Variants in OXR1 observed in about 807,000 individuals in gnomAD.
OXR1 encodes the protein oxidation resistance protein 1.
Under a neutral mutation model 104.6 loss-of-function variants are expected in OXR1, and 41 were observed. The ratio of observed to expected loss-of-function variants is 0.39; its 90% CI spans 0.31 to 0.51. The LOEUF is 0.51. Among genes scored for constraint, OXR1 ranks in the 20% least tolerant of loss-of-function variants. The pLI is 0.77. For missense variants in OXR1, 955 were observed against 1,031.9 expected, an observed-to-expected ratio of 0.93 and a Z score of 1.02; for synonymous variants, 348 against 348.4, an observed-to-expected ratio of 1.00 and a Z score of 0.01.
At chr8:106,382,991 C>CTT (rs374929934) in intron 2 of OXR1, among the ~76,000 whole-genome samples, 7 of 144,030 alleles carry the variant, frequency 4.9e-5, no homozygotes, top group African/African-American at 1.8e-4. Context: ...AGTACTTTTT[C>CTT]TTTTTTTTTT....
At position 106,655,331 on chromosome 8, in the gene OXR1, A is replaced by T. The variant is rs139909143; in HGVS notation, c.221-23879A>T. Reference sequence around the variant, plus strand: ...AGTTTTTTTTTTTTAATGAGGCAAAAGGTAGCGTGAAAAAGCAGGCATGGC... The same window carrying T: ...AGTTTTTTTTTTTTAATGAGGCAAATGGTAGCGTGAAAAAGCAGGCATGGC... On this transcript the variant is annotated intron_variant, in intron 3 of 16. Transcript: ENST00000517566. Among the ~76,000 whole-genome samples, 11 of 152,054 alleles carry T rather than the reference A, an allele frequency of 7.2e-5. No homozygotes were observed. In the East Asian group the frequency reaches 2.1e-3, roughly 29 times the overall value.
chr8:106,545,671 T>A (rs1487960732), intron 3 of OXR1, among the ~76,000 whole-genome samples: 2 of 152,174 alleles, frequency 1.3e-5, no homozygotes, highest in Non-Finnish European at 2.9e-5. Context: ...TTGATTTACA[T>A]AACAAAGTTA....
At chr8:106,423,246 C>T (rs918205547) in intron 2 of OXR1, among the ~76,000 whole-genome samples, 2 of 152,110 alleles carry the variant, frequency 1.3e-5, no homozygotes, top group Non-Finnish European at 2.9e-5. Flanking sequence ...TCACTGTAAG[C>T]TCAGTCTTTC....
intron 13 of OXR1, among the ~76,000 whole-genome samples, chr8:106,740,091 T>C (rs1179561418): frequency 6.6e-6 from 1 of 152,148 alleles, no homozygotes; most frequent in African/African-American, 2.4e-5. Context: ...TAATCTATGT[T>C]TCTTATCTCT....
At chr8:106,279,515 G>T (rs1812192244) in intron 1 of OXR1, among the ~76,000 whole-genome samples, 1 of 152,132 alleles carries the variant, frequency 6.6e-6, no homozygotes. Flanking sequence ...AAGGTTTTTA[G>T]TAGCTTAATT....
chr8:106,485,220 T>C (rs1245408922), intron 2 of OXR1, among the ~76,000 whole-genome samples: 1 of 152,082 alleles, frequency 6.6e-6, no homozygotes, highest in African/African-American at 2.4e-5. Context: ...GTGAAAATAC[T>C]CTGTATGATA....
intron 1 of OXR1, among the ~76,000 whole-genome samples, chr8:106,303,546 G>A (rs1329781764): frequency 4.6e-5 from 7 of 151,850 alleles, no homozygotes; most frequent in Non-Finnish European, 1.0e-4. Flanking sequence ...CCGGAACTTG[G>A]CAATTTGTAT....
chr8:106,559,648 C>T (rs1311478272), intron 3 of OXR1, among the ~76,000 whole-genome samples: 4 of 152,132 alleles, frequency 2.6e-5, no homozygotes, highest in Non-Finnish European at 2.9e-5. Context: ...GATCATAGCA[C>T]CAGCAGACTT....
chr8:106,581,056 T>C, intron 3 of OXR1: 1 of 1,165,930 alleles, frequency 8.6e-7, no homozygotes, highest in Non-Finnish European at 1.1e-6. Flanking sequence ...AGGTGTAGAC[T>C]TCTCACTTCA....
chr8:106,538,210 C>T (rs982225976), intron 3 of OXR1, among the ~76,000 whole-genome samples: 1 of 152,022 alleles, frequency 6.6e-6, no homozygotes. Flanking sequence ...TCCTGTGATC[C>T]CAAAGACCCC....
chr8:106,389,026 C>G (rs927418635), intron 2 of OXR1, among the ~76,000 whole-genome samples: 5 of 152,150 alleles, frequency 3.3e-5, no homozygotes, highest in Admixed American at 6.5e-5. Flanking sequence ...AGTTTAGACC[C>G]CTTCTTTACC....
intron 1 of OXR1, among the ~76,000 whole-genome samples, chr8:106,284,770 T>G (rs1412002363): frequency 6.6e-6 from 1 of 151,856 alleles, no homozygotes; most frequent in Non-Finnish European, 1.5e-5. Context: ...TTGTAAAGTT[T>G]CCATTATAAA....
At chr8:106,682,061 ATTTCT>A (rs1828207340) in intron 4 of OXR1, among the ~76,000 whole-genome samples, 1 of 151,856 alleles carries the variant, frequency 6.6e-6, no homozygotes, top group Non-Finnish European at 1.5e-5. Flanking sequence ...GCTTTAAATC[ATTTCT>A]TTTCTGTAGT....
chr8:106,522,140 CT>C (rs1813307896), intron 3 of OXR1, among the ~76,000 whole-genome samples: 1 of 152,130 alleles, frequency 6.6e-6, no homozygotes, highest in South Asian at 2.1e-4. Flanking sequence ...ATTGAAGTGT[CT>C]TTTAGTGGCT....
chr8:106,398,614 A>G (rs907946415), intron 2 of OXR1, among the ~76,000 whole-genome samples: 3 of 152,156 alleles, frequency 2.0e-5, no homozygotes, highest in African/African-American at 7.2e-5. Context: ...ACACAGGAAT[A>G]TTAAGGGAAA....
At chr8:106,699,430 C>G (rs572875095) in intron 7 of OXR1, among the ~76,000 whole-genome samples, 2 of 152,172 alleles carry the variant, frequency 1.3e-5, no homozygotes, top group Admixed American at 6.6e-5. Context: ...TGGAAACTTT[C>G]TCCACTCAGT....
chr8:106,676,635 G>A (rs1411789120), intron 3 of OXR1, among the ~76,000 whole-genome samples: 1 of 152,012 alleles, frequency 6.6e-6, no homozygotes, highest in Non-Finnish European at 1.5e-5. Context: ...CTTCTGGCTT[G>A]TAGGGTTTCA....
At chr8:106,565,054 C>T (rs1289113727) in intron 3 of OXR1, among the ~76,000 whole-genome samples, 1 of 152,142 alleles carries the variant, frequency 6.6e-6, no homozygotes, top group African/African-American at 2.4e-5. Flanking sequence ...GGAAGCATTC[C>T]CTTTGAAAAC....
chr8:106,660,920 G>A (rs949912718), intron 3 of OXR1, among the ~76,000 whole-genome samples: 31 of 152,260 alleles, frequency 2.0e-4, no homozygotes, highest in Non-Finnish European at 7.4e-5. Flanking sequence ...GGCTGAGGCA[G>A]GAGAATCGCT....
Sources: gnomAD v4.1 joint callset for allele counts (sites outside exome capture counted in the v4.1 genomes callset) on GRCh38, gnomAD v4.1.1 for gene constraint, MANE v1.5 for transcripts, NCBI Gene and HGNC (gene_info 2026-07-23, HGNC 2026-07-21) for gene names.